Variants in CNST observed in about 807,000 individuals in gnomAD.
The protein encoded by CNST is consortin, connexin sorting protein.
Under a neutral mutation model 72.4 loss-of-function variants are expected in CNST, and 39 were observed. The observed-to-expected ratio is 0.54, with a 90% CI of 0.42 to 0.70. The LOEUF is 0.70. Among genes scored for constraint, CNST ranks in the 30% least tolerant of loss-of-function variants. The probability of loss-of-function intolerance (pLI) is 0.00; values close to 1 mark genes in which losing one functional copy is unlikely to be tolerated. For synonymous variants in CNST, 332 were observed against 320.1 expected, an observed-to-expected ratio of 1.04 and a Z score of -0.40; for missense variants, 871 against 868.5, an observed-to-expected ratio of 1.00 and a Z score of -0.04.
intron 2 of CNST, among the ~76,000 whole-genome samples, chr1:246,604,253 C>CAA (rs202068169): frequency 2.1e-5 from 3 of 144,650 alleles, no homozygotes; most frequent in Non-Finnish European, 4.5e-5. Context: ...GACTCCATCT[C>CAA]AAAAAAAAGA....
intron 6 of CNST, among the ~76,000 whole-genome samples, chr1:246,635,986 G>A (rs1314865256): frequency 1.3e-5 from 2 of 152,202 alleles, no homozygotes; most frequent in South Asian, 2.1e-4. Context: ...GTAGCCGTGA[G>A]TAAGCCTGGG....
At position 246,666,176 on chromosome 1, in the gene CNST, G is replaced by T; in HGVS notation, c.*271G>T. On this transcript the variant is annotated 3_prime_UTR_variant, in exon 11 of 11. Transcript: ENST00000366513. ...TCCTCACTGCCTCCTAATGTCATGA[G>T]GTACACTGAGCAGAATTAAACAGGG... The T allele has an allele frequency of 2.5e-6, 1 of 395,594 alleles. No homozygotes were observed. Among genetic ancestry groups the T allele is most frequent in the Non-Finnish European group, 4.6e-6 (1 of 216,726 alleles). The allele number at this position is 395,594 out of a possible 1,614,324, so 24.5% of individuals were successfully genotyped here.
chr1:246,569,640 G>T (rs1393864560), intron 1 of CNST, among the ~76,000 whole-genome samples: 1 of 152,128 alleles, frequency 6.6e-6, no homozygotes, highest in East Asian at 1.9e-4. Flanking sequence ...TGCAGTGGCA[G>T]TCCCGGAGCC....
chr1:246,654,914 T>C (rs956209397), intron 9 of CNST, among the ~76,000 whole-genome samples: 2 of 152,176 alleles, frequency 1.3e-5, no homozygotes, highest in Admixed American at 6.5e-5. Context: ...AAGTCCCTGC[T>C]CTCATAAAGC....
chr1:246,571,016 A>G (rs1290354020), intron 1 of CNST, among the ~76,000 whole-genome samples: 1 of 152,216 alleles, frequency 6.6e-6, no homozygotes. Flanking sequence ...AATCATTCTC[A>G]TGGGGGAAAT....
intron 8 of CNST, 95 bp downstream of exon 8, chr1:246,642,132 GGTTTTTT>G (rs1665750262): frequency 1.9e-4 from 38 of 198,328 alleles, no homozygotes; most frequent in South Asian, 4.9e-4. Flanking sequence ...CAAAGGATCT[GGTTTTTT>G]TTTTTTTTTT....
At chr1:246,635,584 C>T (rs576328420) in intron 6 of CNST, among the ~76,000 whole-genome samples, 1 of 152,332 alleles carries the variant, frequency 6.6e-6, no homozygotes, top group Non-Finnish European at 1.5e-5. Flanking sequence ...TTACCACAGA[C>T]CGCACCCTCT....
At chr1:246,610,235 C>T (rs1036456158) in intron 2 of CNST, among the ~76,000 whole-genome samples, 7 of 152,184 alleles carry the variant, frequency 4.6e-5, no homozygotes, top group African/African-American at 9.7e-5. Context: ...GAGCTGAGAT[C>T]GTGCCACTGC....
At chr1:246,570,305 A>AATTT (rs1327464346) in intron 1 of CNST, among the ~76,000 whole-genome samples, 1 of 152,158 alleles carries the variant, frequency 6.6e-6, no homozygotes, top group Non-Finnish European at 1.5e-5. Context: ...GGTAACTCTA[A>AATTT]AGCCAGTTAA....
At chr1:246,588,551 T>G (rs1661337853) in intron 1 of CNST, among the ~76,000 whole-genome samples, 1 of 152,204 alleles carries the variant, frequency 6.6e-6, no homozygotes, top group East Asian at 1.9e-4. Context: ...GTCAAGGCAA[T>G]GTCATAGACA....
intron 9 of CNST, among the ~76,000 whole-genome samples, chr1:246,650,884 G>T (rs1343863559): frequency 6.6e-6 from 1 of 151,926 alleles, no homozygotes; most frequent in Non-Finnish European, 1.5e-5. Flanking sequence ...CACCATGTTG[G>T]CCAGGCTGGT....
rs192595816 is a variant in CNST, at chr1:246,571,931, G to A, written c.-52+5268G>A. Among the ~76,000 whole-genome samples the A allele has an allele frequency of 2.6e-4, 39 of 152,278 alleles. No homozygotes were observed. The East Asian group carries it at 2.7e-3, about 11-fold the overall frequency. ...ATTAAATTTTCTTATGAGAATAATT[G>A]CCCTGTTTTTTTCTGGAGAGCCACT... On this transcript the variant is annotated intron_variant, in intron 1 of 10. Coordinates refer to ENST00000366513, the MANE Select transcript of CNST (RefSeq NM_152609.3).
chr1:246,619,164 A>AAAC (rs1553378007), intron 2 of CNST, among the ~76,000 whole-genome samples: 8 of 151,868 alleles, frequency 5.3e-5, no homozygotes, highest in African/African-American at 1.9e-4. Flanking sequence ...GAAAAAAAAA[A>AAAC]AACACTAATT....
chr1:246,597,744 A>G (rs1277724140), intron 2 of CNST, among the ~76,000 whole-genome samples: 1 of 152,164 alleles, frequency 6.6e-6, no homozygotes, highest in East Asian at 1.9e-4. Context: ...TTGGATTTGA[A>G]TCTTGGTTAT....
At chr1:246,657,282 A>AT (rs1238026288) in intron 9 of CNST, among the ~76,000 whole-genome samples, 4 of 152,104 alleles carry the variant, frequency 2.6e-5, no homozygotes, top group Admixed American at 2.6e-4. Flanking sequence ...TCTCTTATGC[A>AT]TAAGCTTGGC....
chr1:246,585,517 C>CAT (rs1297793197), intron 1 of CNST, among the ~76,000 whole-genome samples: 1 of 151,368 alleles, frequency 6.6e-6, no homozygotes, highest in Non-Finnish European at 1.5e-5. Flanking sequence ...CGTAGTGGTG[C>CAT]ATGCCTGTAA....
chr1:246,657,212 A>G (rs1666823746), intron 9 of CNST, among the ~76,000 whole-genome samples: 1 of 152,146 alleles, frequency 6.6e-6, no homozygotes, highest in Admixed American at 6.6e-5. Flanking sequence ...AACTCTCGCA[A>G]AAATAGAAAG....
In CNST at chr1:246,647,257, G is replaced by A. The variant is rs762440951; in HGVS notation, c.1056G>A (p.Ser352=). Residue 352 remains serine (S), a synonymous_variant, in exon 9 of 11, where the codon TCG becomes TCA. Coordinates refer to ENST00000366513, the MANE Select transcript of CNST (RefSeq NM_152609.3). ...TGCAAACAGATTCCCCAAGCCTTTC[G>A]GTAACTGCAGGAAAGGACCACATGG... ...MDVQTDSPSL[S]VTAGKDHMEE... 1.2e-5 allele frequency: 19 copies of A among 1,613,986 alleles called. No homozygotes were observed. Among genetic ancestry groups the A allele is most frequent in the Middle Eastern group, 3.3e-4 (2 of 6,080 alleles).
chr1:246,579,942 A>T (rs1263425456), intron 1 of CNST, among the ~76,000 whole-genome samples: 5 of 152,178 alleles, frequency 3.3e-5, no homozygotes, highest in Non-Finnish European at 7.3e-5. Flanking sequence ...ATAGAGTTGA[A>T]CTAATTTGAC....
Sources: gnomAD v4.1 joint callset for allele counts (sites outside exome capture counted in the v4.1 genomes callset) on GRCh38, gnomAD v4.1.1 for gene constraint, MANE v1.5 for transcripts, NCBI Gene and HGNC (gene_info 2026-07-23, HGNC 2026-07-21) for gene names.